Variants in PKDREJ observed in about 807,000 individuals in gnomAD.
The protein encoded by PKDREJ is PKD and REJ homolog.
For synonymous variants in PKDREJ, 1,031 were observed against 1,095.5 expected (o/e 0.94, Z 1.16); for missense variants, 2,507 against 2,807.2 (o/e 0.89, Z 2.42).
In PKDREJ at chr22:46,260,566, A is replaced by G. The variant is rs1442431598; in HGVS notation, c.2757T>C (p.Asn919=). Residue 919 remains asparagine, a synonymous_variant, in exon 1 of 1, where the codon AAT becomes AAC. Coordinates refer to ENST00000253255, the MANE Select transcript of PKDREJ (RefSeq NM_006071.2). The surrounding 1 kb of genome is among the most constrained non-coding windows in gnomAD (Gnocchi z 4.5). ...CCTCCACCGAAGTGTTTTCCTGATCATTTAACCAAGGAAAGAGGTCATTTG... is the reference window on the plus strand; with the variant it reads ...CCTCCACCGAAGTGTTTTCCTGATCGTTTAACCAAGGAAAGAGGTCATTTG... ...DFTNDLFPWL[N]DQENTSVEVS... 6.2e-7 allele frequency: 1 copy of G among 1,614,184 alleles called. No individual in the cohort carries two copies. Among genetic ancestry groups the G allele is most frequent in the Admixed American group, 1.7e-5 (1 of 60,032 alleles).
chr22:46,259,633 T>A lies in PKDREJ; in HGVS notation c.3690A>T (p.Leu1230Phe). 6.2e-7 allele frequency: 1 copy of A among 1,614,184 alleles called. No individual in the cohort carries two copies. The highest frequency in any genetic ancestry group is 8.5e-7 in the Non-Finnish European group (1 of 1,180,034). The change falls in exon 1 of 1, where the codon TTA (leucine) becomes TTT (phenylalanine). Residue 1230 changes from leucine to phenylalanine, a missense_variant. Transcript: ENST00000253255. The surrounding 1 kb of genome is among the most constrained non-coding windows in gnomAD (Gnocchi z 6.8). ...VLPDNDPYDN[L>F]CYLVTIFTGS... The stretch of plus-strand genomic sequence containing the variant: ...CTGTAAAAATAGTCACCAAGTAGCA[T>A]AAATTATCATAAGGATCATTATCTG...
At position 46,262,959 on chromosome 22, in the gene PKDREJ, C is replaced by T. The variant is rs1201241460; in HGVS notation, c.364G>A (p.Gly122Ser). The T allele has an allele frequency of 3.1e-5, 35 of 1,142,570 alleles. No homozygotes were observed. Among genetic ancestry groups the T allele is most frequent in the Non-Finnish European group, 3.4e-5 (32 of 934,856 alleles). The allele number at this position is 1,142,570 out of a possible 1,614,324, so 70.8% of individuals were successfully genotyped here. ...ACGGACCACGTCAGGGAGAGGCGGC[C>T]GCCGCGCGCGGAGAGCTGCAGGTCG... ...LVDLQLSARGGRLSLTWSVRL... is the reference protein window; with the variant it reads ...LVDLQLSARGSRLSLTWSVRL... The change falls in exon 1 of 1, where the codon GGC (glycine) becomes AGC (serine). Residue 122 changes from glycine (G) to serine (S), a missense_variant. Physicochemically the swap from Gly to Ser is moderately conservative, Grantham distance 56 (BLOSUM62 0). Transcript: ENST00000253255. This position sits in a 1 kb window ranked among gnomAD's most constrained non-coding sequence, Gnocchi z 8.1.
At position 46,259,329 on chromosome 22, in the gene PKDREJ, A is replaced by G; in HGVS notation, c.3994T>C (p.Trp1332Arg). The change falls in exon 1 of 1, where the codon TGG becomes CGG. Residue 1332 changes from tryptophan (W) to arginine (R), a missense_variant. By Grantham distance (101) the Trp-to-Arg change is moderately radical (BLOSUM62 -3). Coordinates refer to ENST00000253255, the MANE Select transcript of PKDREJ (RefSeq NM_006071.2). The surrounding 1 kb of genome is among the most constrained non-coding windows in gnomAD (Gnocchi z 6.8). The part of the protein sequence containing the change: ...RHIWLFICQK[W>R]LSVDTTLDRT... ...TCCAAAGTGGTATCAACAGAAAGCCATTTCTGGCATATGAACAGCCAAATG... is the reference window on the plus strand; with the variant it reads ...TCCAAAGTGGTATCAACAGAAAGCCGTTTCTGGCATATGAACAGCCAAATG... 3 of 1,614,206 alleles carry G rather than the reference A, an allele frequency of 1.9e-6. No individual in the cohort carries two copies. The highest frequency in any genetic ancestry group is 1.7e-6 in the Non-Finnish European group (2 of 1,180,028).
In PKDREJ at chr22:46,261,666, G is replaced by A. The variant is rs773381592; in HGVS notation, c.1657C>T (p.His553Tyr). ...GGGCCATGGTTAATAATAAAAGAAT[G>A]CCTGAAGACCGAGGTCACTCCACTC... ...CWSGVTSVFR[H>Y]SFIINHGPQI... The change falls in exon 1 of 1, where the codon CAT (histidine) becomes TAT (tyrosine). Residue 553 changes from histidine (H) to tyrosine (Y), a missense_variant. Coordinates refer to ENST00000253255, the MANE Select transcript of PKDREJ (RefSeq NM_006071.2). This position sits in a 1 kb window ranked among gnomAD's most constrained non-coding sequence, Gnocchi z 7.1. The A allele has an allele frequency of 2.3e-5, 37 of 1,613,872 alleles. No homozygotes were observed. Among genetic ancestry groups the A allele is most frequent in the Non-Finnish European group, 2.9e-5 (34 of 1,179,958 alleles).
Position 46,256,287 on chromosome 22 carries a change from C to G in PKDREJ, c.*274G>C. 1 of 440,558 alleles carries G rather than the reference C, an allele frequency of 2.3e-6. No homozygotes were observed. Among genetic ancestry groups the G allele is most frequent in the Non-Finnish European group, 4.0e-6 (1 of 249,948 alleles). The allele number at this position is 440,558 out of a possible 1,614,324, so 27.3% of individuals were successfully genotyped here. On this transcript the variant is annotated 3_prime_UTR_variant, in exon 1 of 1. Transcript: ENST00000253255. This position sits in a 1 kb window ranked among gnomAD's most constrained non-coding sequence, Gnocchi z 5.3. ...CCAAAGAAACAGGGTTGCCCTTGTA[C>G]GGGGAGTCACATAACTCCCCTCTAA...
chr22:46,262,135 C>T lies in PKDREJ; in HGVS notation c.1188G>A (p.Lys396=), dbSNP rs902497127. 1 of 1,614,162 alleles carries T rather than the reference C, an allele frequency of 6.2e-7. No individual in the cohort carries two copies. Among genetic ancestry groups the T allele is most frequent in the Admixed American group, 1.7e-5 (1 of 60,026 alleles). ...TGGCCTGCTCGGGGTGACAGACTTC[C>T]TTGCTCCCCAGGATTATTCGATCCC... ...YGGDRIILGS[K]EVCHPEQANL... is the part of the protein sequence containing the mutation. The change falls in exon 1 of 1, where the codon AAG becomes AAA. Residue 396 remains lysine, a synonymous_variant. Coordinates refer to ENST00000253255, the MANE Select transcript of PKDREJ (RefSeq NM_006071.2). The surrounding 1 kb of genome is among the most constrained non-coding windows in gnomAD (Gnocchi z 8.1).
In PKDREJ at chr22:46,261,862, G is replaced by T; in HGVS notation, c.1461C>A (p.Ser487Arg). ...SLFLNCTNCASRDFYKWSILS... is the reference protein window; with the variant it reads ...SLFLNCTNCARRDFYKWSILS... ...AAATTGACCATTTATAGAAATCACG[G>T]CTTGCACAATTTGTGCAATTTAGGA... Residue 487 changes from serine to arginine, a missense_variant, in exon 1 of 1, where the codon AGC becomes AGA. Physicochemically the swap from Ser to Arg is moderately radical, Grantham distance 110. Transcript: ENST00000253255. This position sits in a 1 kb window ranked among gnomAD's most constrained non-coding sequence, Gnocchi z 7.1. 1 of 1,613,644 alleles carries T rather than the reference G, an allele frequency of 6.2e-7. No homozygotes were observed. Among genetic ancestry groups the T allele is most frequent in the South Asian group, 1.1e-5 (1 of 90,972 alleles).
chr22:46,258,574 C>T lies in PKDREJ; in HGVS notation c.4749G>A (p.Leu1583=), dbSNP rs770669692. 2 of 1,614,140 alleles carry T rather than the reference C, an allele frequency of 1.2e-6. No homozygotes were observed. Among genetic ancestry groups the T allele is most frequent in the East Asian group, 4.5e-5 (2 of 44,894 alleles). The change falls in exon 1 of 1, where the codon TTG becomes TTA. Residue 1583 remains leucine, a synonymous_variant. Coordinates refer to ENST00000253255, the MANE Select transcript of PKDREJ (RefSeq NM_006071.2). The surrounding 1 kb of genome is among the most constrained non-coding windows in gnomAD (Gnocchi z 6.1). The part of the protein sequence containing the change: ...PWWCVYVAWF[L]VFATSSISSF... ...AGGATATGCTAGAAGTAGCAAAAAC[C>T]AAAAACCATGCAACATAAACACACC...
In PKDREJ at chr22:46,257,187, C is replaced by A; in HGVS notation, c.6136G>T (p.Val2046Leu). The A allele has an allele frequency of 6.2e-7, 1 of 1,613,946 alleles. No individual in the cohort carries two copies. Among genetic ancestry groups the A allele is most frequent in the Non-Finnish European group, 8.5e-7 (1 of 1,180,014 alleles). Residue 2046 changes from valine (V) to leucine (L), a missense_variant, in exon 1 of 1, where the codon GTA (valine) becomes TTA (leucine). By Grantham distance (32) the Val-to-Leu change is conservative. Coordinates refer to ENST00000253255, the MANE Select transcript of PKDREJ (RefSeq NM_006071.2). This position sits in a 1 kb window ranked among gnomAD's most constrained non-coding sequence, Gnocchi z 4.7. ...AAAATTATCCTCATAATGTGATCTA[C>A]CTGAGAAACTGCATGAAAGGGAATG... ...DFIPFHAVSQVDHIMRIILGF... is the reference protein window; with the variant it reads ...DFIPFHAVSQLDHIMRIILGF...
Position 46,258,378 on chromosome 22 carries a change from A to T in PKDREJ, c.4945T>A (p.Trp1649Arg). 1.2e-6 allele frequency: 2 copies of T among 1,614,162 alleles called. No individual in the cohort carries two copies. Among genetic ancestry groups the T allele is most frequent in the Non-Finnish European group, 1.7e-6 (2 of 1,180,044 alleles). ...NKPKYCKNLSWSTKYKYTEIR... is the reference protein window; with the variant it reads ...NKPKYCKNLSRSTKYKYTEIR... ...TCAGTATATTTATACTTGGTTGACC[A>T]TGAAAGGTTTTTGCAATACTTGGGT... Residue 1649 changes from tryptophan to arginine, a missense_variant, in exon 1 of 1, where the codon TGG (tryptophan) becomes AGG (arginine). Transcript: ENST00000253255. The surrounding 1 kb of genome is among the most constrained non-coding windows in gnomAD (Gnocchi z 6.1).
In PKDREJ at chr22:46,262,017, G is replaced by T. The variant is rs1300049862; in HGVS notation, c.1306C>A (p.Arg436=). The T allele has an allele frequency of 1.2e-6, 2 of 1,613,948 alleles. No individual in the cohort carries two copies. Among genetic ancestry groups the T allele is most frequent in the Non-Finnish European group, 1.7e-6 (2 of 1,180,014 alleles). ...GAAAACGCTGTCCTAGAGTCCTTCCGAATCACCATTCTGAAGAAATACACG... is the reference window on the plus strand; with the variant it reads ...GAAAACGCTGTCCTAGAGTCCTTCCTAATCACCATTCTGAAGAAATACACG... The part of the protein sequence containing the change: ...DHVYFFRMVI[R]KDSRTAFSDK... The change falls in exon 1 of 1, where the codon CGG becomes AGG. Residue 436 remains arginine, a synonymous_variant. Coordinates refer to ENST00000253255, the MANE Select transcript of PKDREJ (RefSeq NM_006071.2). The surrounding 1 kb of genome is among the most constrained non-coding windows in gnomAD (Gnocchi z 8.1).
Position 46,262,071 on chromosome 22 carries a change from G to C in PKDREJ, c.1252C>G (p.Leu418Val). ...WPWASGPVLT[L>V]LPETLKGDHV... ...TCGCCTTTAAGTGTTTCTGGCAAAA[G>C]TGTCAGTACAGGGCCCGAGGCCCAG... The change falls in exon 1 of 1, where the codon CTT becomes GTT. Residue 418 changes from leucine to valine, a missense_variant. Transcript: ENST00000253255. This position sits in a 1 kb window ranked among gnomAD's most constrained non-coding sequence, Gnocchi z 8.1. The C allele has an allele frequency of 6.2e-7, 1 of 1,614,132 alleles. No homozygotes were observed. Among genetic ancestry groups the C allele is most frequent in the Non-Finnish European group, 8.5e-7 (1 of 1,180,034 alleles).
rs781701302 is a variant in PKDREJ at position 46,258,834 on chromosome 22, C to A, written c.4489G>T (p.Val1497Phe). The change falls in exon 1 of 1, where the codon GTT becomes TTT. Residue 1497 changes from valine to phenylalanine, a missense_variant. Coordinates refer to ENST00000253255, the MANE Select transcript of PKDREJ (RefSeq NM_006071.2). The surrounding 1 kb of genome is among the most constrained non-coding windows in gnomAD (Gnocchi z 6.1). ...YETAKVHPRE[V>F]AKPASKGKPR... Reference sequence around the variant, plus strand: ...TTTCCTTTAGATGCAGGTTTTGCAACCTCCCTGGGGTGCACCTTAGCAGTT... The same window carrying A: ...TTTCCTTTAGATGCAGGTTTTGCAAACTCCCTGGGGTGCACCTTAGCAGTT... 1.9e-6 allele frequency: 3 copies of A among 1,614,184 alleles called. No homozygotes were observed. The highest frequency in any genetic ancestry group is 2.5e-6 in the Non-Finnish European group (3 of 1,180,028).
chr22:46,258,490 G>A lies in PKDREJ; in HGVS notation c.4833C>T (p.Leu1611=). The A allele has an allele frequency of 6.2e-7, 1 of 1,614,116 alleles. No individual in the cohort carries two copies. Residue 1611 remains leucine, a synonymous_variant, in exon 1 of 1, where the codon CTC becomes CTT. Coordinates refer to ENST00000253255, the MANE Select transcript of PKDREJ (RefSeq NM_006071.2). The surrounding 1 kb of genome is among the most constrained non-coding windows in gnomAD (Gnocchi z 6.1). ...TYGYDKSIEW[L]FASFCSFCQS... Reference sequence around the variant, plus strand: ...GACAGAATGAACAAAAAGATGCAAAGAGCCATTCTATTGACTTGTCATAGC... The same window carrying A: ...GACAGAATGAACAAAAAGATGCAAAAAGCCATTCTATTGACTTGTCATAGC...
At position 46,258,674 on chromosome 22, in the gene PKDREJ, A is replaced by G; in HGVS notation, c.4649T>C (p.Val1550Ala). The change falls in exon 1 of 1, where the codon GTC (valine) becomes GCC (alanine). Residue 1550 changes from valine (V) to alanine (A), a missense_variant. Val to Ala is a moderately conservative substitution (Grantham distance 64). Coordinates refer to ENST00000253255, the MANE Select transcript of PKDREJ (RefSeq NM_006071.2). The surrounding 1 kb of genome is among the most constrained non-coding windows in gnomAD (Gnocchi z 6.1). Reference sequence around the variant, plus strand: ...TTGGGAAGGGTGCTGTTCGGAATGGACATCCTGATCATCTTCTATGTTGTT... The same window carrying G: ...TTGGGAAGGGTGCTGTTCGGAATGGGCATCCTGATCATCTTCTATGTTGTT... ...SNNNIEDDQD[V>A]HSEQHPSQKD... 2 of 1,614,198 alleles carry G rather than the reference A, an allele frequency of 1.2e-6. No homozygotes were observed. Among genetic ancestry groups the G allele is most frequent in the Non-Finnish European group, 1.7e-6 (2 of 1,180,040 alleles).
rs1413128082 is a variant in PKDREJ, at chr22:46,260,585, T to A, written c.2738A>T (p.Asp913Val). ...ISTMFCDFTN[D>V]LFPWLNDQEN... ...CTGATCATTTAACCAAGGAAAGAGG[T>A]CATTTGTGAAATCACAAAACATTGT... The change falls in exon 1 of 1, where the codon GAC (aspartate) becomes GTC (valine). Residue 913 changes from aspartate (D) to valine (V), a missense_variant. Coordinates refer to ENST00000253255, the MANE Select transcript of PKDREJ (RefSeq NM_006071.2). The surrounding 1 kb of genome is among the most constrained non-coding windows in gnomAD (Gnocchi z 4.5). 1 of 1,614,126 alleles carries A rather than the reference T, an allele frequency of 6.2e-7. No individual in the cohort carries two copies. The highest frequency in any genetic ancestry group is 1.3e-5 in the African/African-American group (1 of 75,034).
Position 46,262,876 on chromosome 22 carries a change from T to C in PKDREJ, c.447A>G (p.Gly149=), listed in dbSNP as rs1936714966. ...GGGAGGCCGGGCGGGCGGCGCCGGG[T>C]CCGAGCAGCCGCAGGCGGAAGGCCC... The part of the protein sequence containing the change: ...LAWAFRLRLL[G]PGAARPASPA... Residue 149 remains glycine, a synonymous_variant, in exon 1 of 1, where the codon GGA becomes GGG. Coordinates refer to ENST00000253255, the MANE Select transcript of PKDREJ (RefSeq NM_006071.2). The surrounding 1 kb of genome is among the most constrained non-coding windows in gnomAD (Gnocchi z 8.1). 1 of 1,091,232 alleles carries C rather than the reference T, an allele frequency of 9.2e-7. No individual in the cohort carries two copies. Among genetic ancestry groups the C allele is most frequent in the Admixed American group, 5.3e-5 (1 of 18,938 alleles). 67.6% of individuals were successfully genotyped at this position (1,091,232 alleles called of 1,614,324 possible).
chr22:46,261,223 C>T lies in PKDREJ; in HGVS notation c.2100G>A (p.Lys700=). ...PSSLLSTLIQ[K]KDFLPAGYLL... ...AGTAACCTGCAGGTAAAAAATCCTTCTTTTGAATCAAAGTAGACAGCAATG... is the reference window on the plus strand; with the variant it reads ...AGTAACCTGCAGGTAAAAAATCCTTTTTTTGAATCAAAGTAGACAGCAATG... Residue 700 remains lysine, a synonymous_variant, in exon 1 of 1, where the codon AAG becomes AAA. Transcript: ENST00000253255. The surrounding 1 kb of genome is among the most constrained non-coding windows in gnomAD (Gnocchi z 7.1). 4 of 1,614,016 alleles carry T rather than the reference C, an allele frequency of 2.5e-6. No homozygotes were observed. Among genetic ancestry groups the T allele is most frequent in the Non-Finnish European group, 3.4e-6 (4 of 1,180,008 alleles).
At position 46,260,462 on chromosome 22, in the gene PKDREJ, A is replaced by G. The variant is rs1230653538; in HGVS notation, c.2861T>C (p.Leu954Pro). ...TGCAAAGGTCAAGTTTTTCCTGACAAGGTACACTTCCGCTACATCAGGTGT... is the reference window on the plus strand; with the variant it reads ...TGCAAAGGTCAAGTTTTTCCTGACAGGGTACACTTCCGCTACATCAGGTGT... ...EITPDVAEVYLVRKNLTFAAF... is the reference protein window; with the variant it reads ...EITPDVAEVYPVRKNLTFAAF... Residue 954 changes from leucine to proline, a missense_variant, in exon 1 of 1, where the codon CTT becomes CCT. By Grantham distance (98) the Leu-to-Pro change is moderately conservative. Transcript: ENST00000253255. The surrounding 1 kb of genome is among the most constrained non-coding windows in gnomAD (Gnocchi z 4.5). The G allele has an allele frequency of 5.6e-6, 9 of 1,614,238 alleles. No individual in the cohort carries two copies. The highest frequency in any genetic ancestry group is 4.0e-5 in the African/African-American group (3 of 75,054).
Sources: gnomAD v4.1 joint callset for allele counts on GRCh38, gnomAD v4.1.1 for gene constraint, Gnocchi (gnomAD v3.1) non-coding constraint, MANE v1.5 for transcripts, NCBI Gene and HGNC (gene_info 2026-07-23, HGNC 2026-07-21) for gene names.